The following CEP85L variants were observed in gnomAD, a reference collection of about 807,000 sequenced individuals.
The protein encoded by CEP85L is centrosomal protein of 85 kDa-like.
Under a neutral mutation model 100.3 loss-of-function variants are expected in CEP85L, and 60 were observed. The ratio of observed to expected loss-of-function variants is 0.60; its 90% confidence interval spans 0.49 to 0.74. The LOEUF is 0.74. Among genes scored for constraint, CEP85L ranks in the 30% least tolerant of loss-of-function variants. The pLI is 0.00. For synonymous variants in CEP85L, 319 were observed against 322.7 expected (o/e 0.99, Z 0.12); for missense variants, 973 against 936.2 (o/e 1.04, Z -0.51).
chr6:118,559,931 T>G (rs1779124767), intron 3 of CEP85L: 1 of 167,032 alleles, frequency 6.0e-6, no homozygotes, highest in Non-Finnish European at 1.5e-5. Flanking sequence ...TGAGCTAGAG[T>G]TACCTAGCTT....
intron 6 of CEP85L, 117 bp downstream of exon 6, chr6:118,491,569 C>T (rs1292730156): frequency 2.1e-6 from 3 of 1,448,818 alleles, no homozygotes; most frequent in Admixed American, 3.0e-5. Flanking sequence ...AAATTAATCA[C>T]CTCCACATAA....
At position 118,649,450 on chromosome 6, in the gene CEP85L, T is replaced by C. The variant is rs139309382; in HGVS notation, c.73+1747A>G. On this transcript the variant is annotated intron_variant, in intron 1 of 12. Coordinates refer to ENST00000368491, the MANE Select transcript of CEP85L (RefSeq NM_001042475.3). The stretch of plus-strand genomic sequence containing the variant: ...CGTTACCTAACTTTAAATACTAAAA[T>C]GTTCTCTTCTTCCTAGAAAACAATG... Among the ~76,000 whole-genome samples, 460 of 152,342 alleles carry C rather than the reference T, an allele frequency of 3.0e-3. 3 individuals are homozygous for C. Among genetic ancestry groups the C allele is most frequent in the African/African-American group, 0.01 (435 of 41,578 alleles).
At chr6:118,470,179 C>T (rs1457346727) in intron 11 of CEP85L, among the ~76,000 whole-genome samples, 1 of 151,984 alleles carries the variant, frequency 6.6e-6, no homozygotes, top group Admixed American at 6.6e-5. Context: ...AAAACTGCTA[C>T]CTTCTTATCT....
In CEP85L at chr6:118,461,083, G is replaced by A. The variant is rs1772208402; in HGVS notation, c.*4322C>T. 2 of 150,164 alleles carry A rather than the reference G, an allele frequency of 1.3e-5. No homozygotes were observed. Among genetic ancestry groups the A allele is most frequent in the African/African-American group, 2.5e-5 (1 of 40,704 alleles). The allele number at this position is 150,164 out of a possible 1,614,324, so 9.3% of individuals were successfully genotyped here. ...AGTCATGAACACTGTATTTACACAT[G>A]AGGTATTCTGGGTGGTTCAAAAACT... On this transcript the variant is annotated 3_prime_UTR_variant, in exon 13 of 13. Transcript: ENST00000368491.
intron 1 of CEP85L, among the ~76,000 whole-genome samples, chr6:118,690,876 TG>T (rs1777016434): frequency 6.6e-6 from 1 of 151,904 alleles, no homozygotes; most frequent in African/African-American, 2.4e-5. Context: ...TGACTCTCTG[TG>T]GTCCCAGCTA....
chr6:118,470,596 T>G lies in CEP85L; in HGVS notation c.1963A>C (p.Met655Leu). 1 of 1,608,386 alleles carries G rather than the reference T, an allele frequency of 6.2e-7. No individual in the cohort carries two copies. Among genetic ancestry groups the G allele is most frequent in the Non-Finnish European group, 8.5e-7 (1 of 1,177,240 alleles). The change falls in exon 11 of 13, where the codon ATG (methionine) becomes CTG (leucine). Residue 655 changes from methionine (M) to leucine (L), a missense_variant. Coordinates refer to ENST00000368491, the MANE Select transcript of CEP85L (RefSeq NM_001042475.3). ...CTTTCTTTCTTTTCCAGCTCTTCCA[T>G]CATCTTTTGAGTGGTCAGTTTCTCT... ...SKEKLTTQKM[M>L]EELEKKERNV...
At chr6:118,570,257 C>T (rs1232874608) in intron 2 of CEP85L, among the ~76,000 whole-genome samples, 1 of 152,122 alleles carries the variant, frequency 6.6e-6, no homozygotes, top group African/African-American at 2.4e-5. Flanking sequence ...TATAACTTGA[C>T]CATATGGTCA....
intron 4 of CEP85L, among the ~76,000 whole-genome samples, chr6:118,521,518 T>A (rs1776666389): frequency 6.6e-6 from 1 of 152,222 alleles, no homozygotes; most frequent in Admixed American, 6.5e-5. Flanking sequence ...TTATTACCCT[T>A]CCTATATTAC....
At chr6:118,480,313 T>G (rs1773683499) in intron 9 of CEP85L, 83 bp downstream of exon 9, 2 of 671,416 alleles carry the variant, frequency 3.0e-6, no homozygotes, top group African/African-American at 1.9e-5. Context: ...ATAAATCACA[T>G]AAAATAGCTA....
chr6:118,549,762 A>C (rs542012453), intron 3 of CEP85L, among the ~76,000 whole-genome samples: 4 of 151,762 alleles, frequency 2.6e-5, no homozygotes, highest in Non-Finnish European at 5.9e-5. Flanking sequence ...CACACTTCAA[A>C]TTGGGTGTTC....
chr6:118,578,780 G>C (rs1016521501), intron 2 of CEP85L, among the ~76,000 whole-genome samples: 16 of 152,200 alleles, frequency 1.1e-4, no homozygotes, highest in African/African-American at 3.9e-4. Context: ...GCTCTCGCGA[G>C]CGTGACTGAT....
At chr6:118,665,713 C>T (rs971490030) in intron 1 of CEP85L, among the ~76,000 whole-genome samples, 2 of 152,080 alleles carry the variant, frequency 1.3e-5, no homozygotes, top group African/African-American at 4.8e-5. Flanking sequence ...AATTCAAATG[C>T]CAGGGTACTC....
intron 1 of CEP85L, among the ~76,000 whole-genome samples, chr6:118,690,233 T>A (rs2114306559): frequency 6.6e-6 from 1 of 152,308 alleles, no homozygotes; most frequent in Middle Eastern, 3.4e-3. Context: ...ATCTTGTAAT[T>A]TATGATTCCT....
intron 2 of CEP85L, among the ~76,000 whole-genome samples, chr6:118,610,774 T>A: frequency 1.3e-5 from 2 of 149,102 alleles, no homozygotes. Context: ...GAAAAAAAAA[T>A]GACAACTTAT....
chr6:118,651,687 G>C, upstream of CEP85L: 2 of 659,596 alleles, frequency 3.0e-6, no homozygotes, highest in Non-Finnish European at 1.8e-6. Flanking sequence ...GCCGCGCGGG[G>C]CGGGGACTGC....
intron 2 of CEP85L, among the ~76,000 whole-genome samples, chr6:118,613,738 C>G (rs916811081): frequency 1.0e-5 from 1 of 96,122 alleles, no homozygotes; most frequent in African/African-American, 4.2e-5. Flanking sequence ...GCCTGGGCAA[C>G]AAGAGCAAAT....
intron 2 of CEP85L, among the ~76,000 whole-genome samples, chr6:118,628,243 G>C (rs1298336032): frequency 6.6e-6 from 1 of 152,310 alleles, no homozygotes; most frequent in Middle Eastern, 3.4e-3. Flanking sequence ...AGGGATATTG[G>C]AATTACTAGA....
intron 5 of CEP85L, among the ~76,000 whole-genome samples, chr6:118,498,002 G>C (rs1775028580): frequency 6.6e-6 from 1 of 152,206 alleles, no homozygotes; most frequent in African/African-American, 2.4e-5. Context: ...AAGGAAGATG[G>C]AGGAATTAGA....
chr6:118,667,555 AT>A (rs1406407470), intron 1 of CEP85L, among the ~76,000 whole-genome samples: 1 of 152,200 alleles, frequency 6.6e-6, no homozygotes, highest in African/African-American at 2.4e-5. Flanking sequence ...TGAAAACTGC[AT>A]TTTTTGGATA....
Sources: allele counts gnomAD v4.1 joint callset (sites outside exome capture counted in the v4.1 genomes callset), GRCh38; gene constraint gnomAD v4.1.1; transcripts MANE v1.5; gene names NCBI Gene and HGNC (gene_info 2026-07-23, HGNC 2026-07-21).